Variants in GDPD4 observed in about 807,000 individuals in gnomAD.
The protein encoded by GDPD4 is glycerophosphodiester phosphodiesterase 6.
In GDPD4, 60 loss-of-function variants were observed where a neutral mutation model predicts 67.8. The observed-to-expected ratio is 0.88, with a 90% CI of 0.72 to 1.10. The LOEUF is 1.10. Ranked by LOEUF, GDPD4 falls within the 50% of genes least tolerant of loss-of-function variation. The pLI, the probability that GDPD4 is intolerant of heterozygous loss-of-function variation, is 0.00. For synonymous variants in GDPD4, 212 were observed against 210.9 expected (o/e 1.00, Z -0.04); for missense variants, 623 against 613.9 (o/e 1.01, Z -0.16).
chr11:77,220,114 C>G (rs113937451), intron 16 of GDPD4, among the ~76,000 whole-genome samples: 1 of 152,102 alleles, frequency 6.6e-6, no homozygotes, highest in Non-Finnish European at 1.5e-5. Context: ...TGGGCTGAGA[C>G]GATGGGGTTT....
At chr11:77,296,250 C>CAA (rs200238027) in intron 1 of GDPD4, among the ~76,000 whole-genome samples, 21 of 103,462 alleles carry the variant, frequency 2.0e-4, no homozygotes, top group Admixed American at 1.2e-3. Context: ...GACTTCGTCT[C>CAA]AAAAAAAAAA....
intron 13 of GDPD4, 48 bp from the exon 14 acceptor site, chr11:77,233,220 T>G (rs374911133): frequency 4.0e-5 from 63 of 1,581,790 alleles, no homozygotes; most frequent in Non-Finnish European, 5.2e-5. Context: ...AGTTTCATTC[T>G]CATCATCTAA....
Position 77,233,069 on chromosome 11 carries a change from T to C in GDPD4, c.1345A>G (p.Asn449Asp), listed in dbSNP as rs377106981. Residue 449 changes from asparagine to aspartate, a missense_variant, in exon 14 of 17, where the codon AAC (asparagine) becomes GAC (aspartate). Coordinates refer to ENST00000315938, the MANE Select transcript of GDPD4 (RefSeq NM_182833.3). The part of the protein sequence containing the change: ...CSRINSVTTD[N>D]IGLLSQLDHP... ...TCAAGCTGACTCAGGAGCCCAATGT[T>C]GTCTGTGGTCACTGAGTTAATCCTG... 1 of 1,614,144 alleles carries C rather than the reference T, an allele frequency of 6.2e-7. No individual in the cohort carries two copies. The highest frequency in any genetic ancestry group is 1.3e-5 in the African/African-American group (1 of 75,044).
chr11:77,238,883 C>T (rs1374319590), intron 13 of GDPD4, among the ~76,000 whole-genome samples: 1 of 152,062 alleles, frequency 6.6e-6, no homozygotes, highest in African/African-American at 2.4e-5. Flanking sequence ...AAGATACGGA[C>T]ACTACAAGAA....
chr11:77,257,114 C>T (rs114718975), intron 11 of GDPD4, among the ~76,000 whole-genome samples: 73 of 152,250 alleles, frequency 4.8e-4, no homozygotes, highest in African/African-American at 1.7e-3. Context: ...ACACTACTAC[C>T]GTATAAGTGA....
At chr11:77,232,789 G>A (rs1047911243) in intron 14 of GDPD4, among the ~76,000 whole-genome samples, 6 of 152,164 alleles carry the variant, frequency 3.9e-5, no homozygotes, top group Middle Eastern at 3.2e-3. Context: ...ATGACATAAC[G>A]CATGTCAAGC....
At chr11:77,282,421 G>C (rs970682530) in intron 3 of GDPD4, among the ~76,000 whole-genome samples, 4 of 152,088 alleles carry the variant, frequency 2.6e-5, no homozygotes, top group Admixed American at 6.6e-5. Flanking sequence ...TTGGGAGGTC[G>C]AGCGGGCAGA....
rs774181451 is a variant in GDPD4 at position 77,217,103 on chromosome 11, A to G, written c.*174T>C. The G allele has an allele frequency of 1.4e-6, 1 of 711,520 alleles. No individual in the cohort carries two copies. Among genetic ancestry groups the G allele is most frequent in the Non-Finnish European group, 2.6e-6 (1 of 386,830 alleles). The allele number at this position is 711,520 out of a possible 1,614,324, so 44.1% of individuals were successfully genotyped here. On this transcript the variant is annotated 3_prime_UTR_variant, in exon 17 of 17. Transcript: ENST00000315938. ...TTGAATCTCATGCTTGCCAGGCTTC[A>G]AAGGTGTGACAGCATTCTTGATAGG... is the stretch of plus-strand genomic sequence containing the variant.
chr11:77,221,767 G>GT (rs1288592544), intron 16 of GDPD4, among the ~76,000 whole-genome samples: 2 of 115,618 alleles, frequency 1.7e-5, no homozygotes, highest in Non-Finnish European at 3.6e-5. Flanking sequence ...GCAGAGCTGA[G>GT]TTTAAGTCCT....
In GDPD4 at chr11:77,217,266, A is replaced by T. The variant is rs748243492; in HGVS notation, c.*11T>A. On this transcript the variant is annotated 3_prime_UTR_variant, in exon 17 of 17. Transcript: ENST00000315938. ...ACAGGAGGTTTCATGGCTATGTGCA[A>T]ATCTATCTATCTATCTATCTTCCTC... 5.3e-5 allele frequency: 85 copies of T among 1,596,052 alleles called. 1 individual carries two copies. In the South Asian group the frequency reaches 6.9e-4, roughly 13 times the overall value.
chr11:77,268,512 A>G lies in GDPD4; in HGVS notation c.652T>C (p.Phe218Leu), dbSNP rs776658270. The change falls in exon 10 of 17, where the codon TTT becomes CTT. Residue 218 changes from phenylalanine (F) to leucine (L), a missense_variant. By Grantham distance (22) the Phe-to-Leu change is conservative (BLOSUM62 0). Transcript: ENST00000315938. ...MLGPENTMMSFEKAVEHGAHG... is the reference protein window; with the variant it reads ...MLGPENTMMSLEKAVEHGAHG... ...GCTCCATGTTCAACAGCTTTCTCAA[A>G]GGACATCATGGTATTCTCAGGCCCC... 26 of 1,613,030 alleles carry G rather than the reference A, an allele frequency of 1.6e-5. No homozygotes were observed. Among genetic ancestry groups the G allele is most frequent in the Middle Eastern group, 1.6e-4 (1 of 6,084 alleles).
At chr11:77,263,762 T>C (rs1046018760) in intron 10 of GDPD4, among the ~76,000 whole-genome samples, 6 of 152,228 alleles carry the variant, frequency 3.9e-5, no homozygotes, top group African/African-American at 9.6e-5. Context: ...ATTAAAATTT[T>C]TGACATTTTG....
intron 14 of GDPD4, 42 bp downstream of exon 14, chr11:77,232,983 A>G: frequency 1.2e-6 from 2 of 1,608,202 alleles, no homozygotes; most frequent in Non-Finnish European, 1.7e-6. Context: ...CTGCACTGCT[A>G]TCATACCAAG....
chr11:77,253,945 G>A (rs1958954313), intron 11 of GDPD4, among the ~76,000 whole-genome samples: 1 of 152,128 alleles, frequency 6.6e-6, no homozygotes, highest in South Asian at 2.1e-4. Flanking sequence ...TCTATCTGCT[G>A]CTTGGCTCCA....
chr11:77,271,203 G>A lies in GDPD4; in HGVS notation c.327C>T (p.His109=), dbSNP rs764071988. 14 of 1,613,046 alleles carry A rather than the reference G, an allele frequency of 8.7e-6. No homozygotes were observed. In the East Asian group the frequency reaches 1.3e-4, roughly 15 times the overall value. ...TAACCATCACAGTTATGCTGACCAG[G>A]TGCACGTAGGGAGCAAAGATCTGTG... is the stretch of plus-strand genomic sequence containing the variant. ...LSMQIFAPYV[H]LVSITVMVIL... is the part of the protein sequence containing the mutation. Residue 109 remains histidine (H), a synonymous_variant, in exon 7 of 17, where the codon CAC becomes CAT. Transcript: ENST00000315938.
At chr11:77,277,907 A>G (rs1591571124) in intron 4 of GDPD4, among the ~76,000 whole-genome samples, 1 of 151,832 alleles carries the variant, frequency 6.6e-6, no homozygotes, top group Admixed American at 6.6e-5. Flanking sequence ...ACTGCTTTAA[A>G]TGTGTCCCAG....
At chr11:77,235,448 C>A (rs974551777) in intron 13 of GDPD4, among the ~76,000 whole-genome samples, 48 of 152,144 alleles carry the variant, frequency 3.2e-4, no homozygotes, top group Admixed American at 2.9e-3. Context: ...CTACAGTAAG[C>A]AAGCTAGTGT....
chr11:77,290,485 A>G (rs1937736553), intron 1 of GDPD4, among the ~76,000 whole-genome samples: 1 of 152,234 alleles, frequency 6.6e-6, no homozygotes, highest in African/African-American at 2.4e-5. Context: ...GTAAAAATAC[A>G]TGGAAATTAT....
intron 11 of GDPD4, among the ~76,000 whole-genome samples, chr11:77,257,857 T>C (rs1475063860): frequency 2.6e-5 from 4 of 152,210 alleles, no homozygotes; most frequent in Admixed American, 2.6e-4. Flanking sequence ...GAAGTTGTTC[T>C]TGTGTGCTCC....
Sources: allele counts gnomAD v4.1 joint callset (sites outside exome capture counted in the v4.1 genomes callset), GRCh38; gene constraint gnomAD v4.1.1; transcripts MANE v1.5; gene names NCBI Gene and HGNC (gene_info 2026-07-23, HGNC 2026-07-21).